The following PPP1R9A variants were observed in gnomAD, a reference collection of about 807,000 sequenced individuals.
PPP1R9A encodes the protein neurabin-1.
In PPP1R9A, 59 loss-of-function variants were observed where a neutral mutation model predicts 141.9. The ratio of observed to expected loss-of-function variants is 0.42; its 90% confidence interval spans 0.34 to 0.52. PPP1R9A has a LOEUF of 0.52. Among genes scored for constraint, PPP1R9A ranks in the 20% least tolerant of loss-of-function variants. The pLI is 0.10. For synonymous variants in PPP1R9A, 500 were observed against 569.7 expected (o/e 0.88, Z 1.74); for missense variants, 1,444 against 1,611.9 (o/e 0.90, Z 1.78).
chr7:95,115,523 C>T (rs1821326402), intron 3 of PPP1R9A, among the ~76,000 whole-genome samples: 1 of 151,682 alleles, frequency 6.6e-6, no homozygotes, highest in African/African-American at 2.4e-5. Flanking sequence ...AAGTTTATAC[C>T]CAAAACTAAT....
chr7:95,098,571 G>A (rs190225589), intron 2 of PPP1R9A, among the ~76,000 whole-genome samples: 7 of 152,136 alleles, frequency 4.6e-5, no homozygotes, highest in Admixed American at 2.0e-4. Context: ...GGCCTCATCC[G>A]TGTTTTGGCA....
chr7:95,154,293 A>G (rs985822939), intron 4 of PPP1R9A, among the ~76,000 whole-genome samples: 3 of 151,996 alleles, frequency 2.0e-5, no homozygotes, highest in African/African-American at 7.2e-5. Flanking sequence ...TCAGGAGCAT[A>G]GTTTTAAATT....
At chr7:95,079,345 C>T (rs955470939) in intron 2 of PPP1R9A, among the ~76,000 whole-genome samples, 2 of 152,150 alleles carry the variant, frequency 1.3e-5, no homozygotes, top group African/African-American at 4.8e-5. Flanking sequence ...ATCTATATCT[C>T]TGTTTTGGTA....
chr7:95,094,468 G>A (rs1471666634), intron 2 of PPP1R9A, among the ~76,000 whole-genome samples: 1 of 152,140 alleles, frequency 6.6e-6, no homozygotes, highest in African/African-American at 2.4e-5. Flanking sequence ...GATGTGATTA[G>A]AGCCACGCTT....
chr7:95,086,629 T>C (rs564427134), intron 2 of PPP1R9A, among the ~76,000 whole-genome samples: 31 of 152,134 alleles, frequency 2.0e-4, no homozygotes, highest in Middle Eastern at 3.4e-3. Flanking sequence ...AAGGTTTTTC[T>C]TAAAACCTAC....
At chr7:94,980,636 T>G (rs141459617) in intron 2 of PPP1R9A, among the ~76,000 whole-genome samples, 25 of 150,374 alleles carry the variant, frequency 1.7e-4, no homozygotes, top group Non-Finnish European at 3.3e-4. Flanking sequence ...AAGTTGGACA[T>G]GAGCTAAATT....
intron 2 of PPP1R9A, among the ~76,000 whole-genome samples, chr7:95,064,809 C>G (rs1359370209): frequency 6.6e-6 from 1 of 152,140 alleles, no homozygotes; most frequent in East Asian, 1.9e-4. Flanking sequence ...CTTGCAGAAT[C>G]TGGAGAATTA....
At chr7:94,994,890 CAA>C (rs983297315) in intron 2 of PPP1R9A, among the ~76,000 whole-genome samples, 5 of 107,652 alleles carry the variant, frequency 4.6e-5, no homozygotes, top group Admixed American at 1.0e-4. Context: ...GACTCCGTCT[CAA>C]AAAAAAAAAA....
Position 95,290,126 on chromosome 7 carries a change from G to A in PPP1R9A, c.3948G>A (p.Val1316=). ...LGMTASQDRA[V]VKKKLKEMKM... ...TGACAGCATCCCAGGACCGAGCAGT[G>A]GTCAAAAAGAAACTCAAGGAAATGA... is the stretch of plus-strand genomic sequence containing the variant. The change falls in exon 20 of 20, where the codon GTG becomes GTA. Residue 1316 remains valine (V), a synonymous_variant. Transcript: ENST00000433360. 6.2e-7 allele frequency: 1 copy of A among 1,613,870 alleles called. No individual in the cohort carries two copies.
At chr7:94,975,772 T>G (rs1799381641) in intron 2 of PPP1R9A, among the ~76,000 whole-genome samples, 1 of 152,212 alleles carries the variant, frequency 6.6e-6, no homozygotes, top group Admixed American at 6.5e-5. Flanking sequence ...AGAAATAGGT[T>G]ATCTTTGCTT....
intron 2 of PPP1R9A, among the ~76,000 whole-genome samples, chr7:95,040,865 AT>A (rs1809134108): frequency 1.3e-5 from 2 of 152,236 alleles, no homozygotes; most frequent in East Asian, 3.9e-4. Flanking sequence ...CATGAAAGAG[AT>A]TAATCCTCTC....
intron 2 of PPP1R9A, among the ~76,000 whole-genome samples, chr7:94,967,261 C>G (rs1798322026): frequency 6.6e-6 from 1 of 152,088 alleles, no homozygotes; most frequent in Non-Finnish European, 1.5e-5. Flanking sequence ...TTCAAAAAAG[C>G]AGCTCCTGGA....
At chr7:95,119,839 A>G (rs1451045984) in intron 3 of PPP1R9A, among the ~76,000 whole-genome samples, 2 of 152,016 alleles carry the variant, frequency 1.3e-5, no homozygotes, top group East Asian at 3.9e-4. Flanking sequence ...AAAACAAGCT[A>G]TATATACATA....
At chr7:95,248,492 T>C (rs1302163408) in intron 9 of PPP1R9A, among the ~76,000 whole-genome samples, 2 of 152,138 alleles carry the variant, frequency 1.3e-5, no homozygotes, top group Non-Finnish European at 2.9e-5. Context: ...AATTTTAAAT[T>C]AGTGGCGGTT....
chr7:95,063,298 C>A (rs1424878104), intron 2 of PPP1R9A, among the ~76,000 whole-genome samples: 2 of 152,166 alleles, frequency 1.3e-5, no homozygotes, highest in South Asian at 2.1e-4. Flanking sequence ...GAATGGCTCA[C>A]ACCTGTAATA....
intron 13 of PPP1R9A, 149 bp downstream of exon 13, chr7:95,268,856 C>A: frequency 1.1e-6 from 1 of 932,754 alleles, no homozygotes; most frequent in Non-Finnish European, 1.5e-6. Flanking sequence ...CTCCTGAATT[C>A]TTTATATTGT....
chr7:94,907,844 G>A (rs937946783), intron 1 of PPP1R9A, 142 bp downstream of exon 1: 2 of 150,024 alleles, frequency 1.3e-5, no homozygotes, highest in Admixed American at 6.6e-5. Flanking sequence ...AGGCCGGCCC[G>A]AGCGTGCGGG....
chr7:95,290,399 A>G lies in PPP1R9A; in HGVS notation c.*96A>G, dbSNP rs1806194870. The stretch of plus-strand genomic sequence containing the variant: ...CAGAGGATGAAAAAGAAACTAAATG[A>G]TAAGGGTAATGCGGCTCTAGGCCGG... On this transcript the variant is annotated 3_prime_UTR_variant, in exon 20 of 20. Coordinates refer to ENST00000433360, the MANE Select transcript of PPP1R9A (RefSeq NM_001166160.2). 6.7e-6 allele frequency: 9 copies of G among 1,342,304 alleles called. No individual in the cohort carries two copies. Among genetic ancestry groups the G allele is most frequent in the Admixed American group, 2.7e-5 (1 of 37,102 alleles). The allele number at this position is 1,342,304 out of a possible 1,614,324, so 83.1% of individuals were successfully genotyped here. A position where few individuals can be genotyped will look rare whatever the true frequency, so the allele number is the denominator to read the frequency against.
At chr7:94,936,795 T>C (rs1350367149) in intron 2 of PPP1R9A, among the ~76,000 whole-genome samples, 1 of 152,068 alleles carries the variant, frequency 6.6e-6, no homozygotes, top group Non-Finnish European at 1.5e-5. Flanking sequence ...TTCTGTAATA[T>C]GTTTTGTTTA....
Sources: allele counts gnomAD v4.1 joint callset (sites outside exome capture counted in the v4.1 genomes callset), GRCh38; gene constraint gnomAD v4.1.1; transcripts MANE v1.5; gene names NCBI Gene and HGNC (gene_info 2026-07-23, HGNC 2026-07-21).